PRKACB: variants seen among roughly 807,000 people sequenced by gnomAD.
The protein encoded by PRKACB is cAMP-dependent protein kinase catalytic subunit beta.
In PRKACB, 16 loss-of-function variants were observed where a neutral mutation model predicts 51.4. The ratio of observed to expected loss-of-function variants is 0.31; its 90% confidence interval spans 0.21 to 0.47. The LOEUF is 0.47. Among genes scored for constraint, PRKACB ranks in the 20% least tolerant of loss-of-function variants. The probability of loss-of-function intolerance (pLI) is 1.00; values close to 1 mark genes in which losing one functional copy is unlikely to be tolerated. For missense variants in PRKACB, 309 were observed against 464.5 expected (o/e 0.67, Z 3.08); for synonymous variants, 147 against 154.4 (o/e 0.95, Z 0.35).
upstream of PRKACB, among the ~76,000 whole-genome samples, chr1:84,141,109 T>A (rs1208676610): frequency 6.6e-6 from 1 of 152,108 alleles, no homozygotes; most frequent in Non-Finnish European, 1.5e-5. Flanking sequence ...AAAATTTCTA[T>A]AATTTTAAAA....
chr1:84,139,824 T>C (rs1571763994), upstream of PRKACB, among the ~76,000 whole-genome samples: 1 of 152,276 alleles, frequency 6.6e-6, no homozygotes, highest in East Asian at 1.9e-4. Context: ...TTTGGGAGGC[T>C]GAGGTGGGCG....
chr1:84,090,851 A>G (rs770056969), intron 1 of PRKACB, among the ~76,000 whole-genome samples: 10 of 152,184 alleles, frequency 6.6e-5, no homozygotes, highest in Non-Finnish European at 1.3e-4. Flanking sequence ...GGAAGGAGTT[A>G]GAAAAATTTG....
chr1:84,180,572 TAAAAG>T (rs968423426), intron 2 of PRKACB, among the ~76,000 whole-genome samples: 5 of 151,670 alleles, frequency 3.3e-5, no homozygotes, highest in East Asian at 1.9e-4. Flanking sequence ...TTATGGAAAA[TAAAAG>T]AAAAATAAAA....
intron 9 of PRKACB, among the ~76,000 whole-genome samples, chr1:84,223,908 A>T (rs1410901606): frequency 2.6e-5 from 4 of 152,122 alleles, no homozygotes; most frequent in African/African-American, 9.7e-5. Flanking sequence ...TGTTTCTTGT[A>T]TACTTACATT....
intron 1 of PRKACB, among the ~76,000 whole-genome samples, chr1:84,121,900 A>G (rs191610508): frequency 6.6e-6 from 1 of 152,190 alleles, no homozygotes; most frequent in East Asian, 1.9e-4. Flanking sequence ...TGCTATTCCA[A>G]GTTGAGCCCC....
At chr1:84,160,749 T>G (rs576938293) in intron 1 of PRKACB, among the ~76,000 whole-genome samples, 58 of 151,286 alleles carry the variant, frequency 3.8e-4, no homozygotes, top group Non-Finnish European at 7.2e-4. Context: ...CCCTTGGAAT[T>G]TGTTTGTGAT....
At chr1:84,212,373 C>T (rs947641962) in intron 8 of PRKACB, among the ~76,000 whole-genome samples, 2 of 152,146 alleles carry the variant, frequency 1.3e-5, no homozygotes, top group Admixed American at 1.3e-4. Flanking sequence ...ACAAAAGTGG[C>T]AGTCAAAAGC....
At chr1:84,109,260 A>G (rs1170775841) in intron 1 of PRKACB, among the ~76,000 whole-genome samples, 1 of 151,964 alleles carries the variant, frequency 6.6e-6, no homozygotes, top group Non-Finnish European at 1.5e-5. Flanking sequence ...TTGAGTATAT[A>G]TATCTAGGAG....
intron 1 of PRKACB, chr1:84,173,461 C>G: frequency 1.0e-6 from 1 of 962,876 alleles, no homozygotes; most frequent in Non-Finnish European, 1.6e-6. Flanking sequence ...TGAGTTTTTA[C>G]AATTCTGTTT....
At chr1:84,136,865 G>C (rs972018737) in intron 1 of PRKACB, among the ~76,000 whole-genome samples, 3 of 152,152 alleles carry the variant, frequency 2.0e-5, no homozygotes, top group Non-Finnish European at 4.4e-5. Context: ...ATCTCATCAT[G>C]AATTGTAATC....
chr1:84,146,299 C>G (rs563722472), intron 1 of PRKACB, among the ~76,000 whole-genome samples: 1 of 151,828 alleles, frequency 6.6e-6, no homozygotes, highest in Non-Finnish European at 1.5e-5. Flanking sequence ...CTACTTGACT[C>G]TCCTTTTTAT....
At chr1:84,095,632 T>G (rs1325829402) in intron 1 of PRKACB, among the ~76,000 whole-genome samples, 1 of 151,906 alleles carries the variant, frequency 6.6e-6, no homozygotes, top group East Asian at 1.9e-4. Flanking sequence ...TCCCCCTACT[T>G]TCTGTTTGCA....
intron 1 of PRKACB, chr1:84,164,550 T>C: frequency 7.0e-7 from 1 of 1,435,670 alleles, no homozygotes; most frequent in African/African-American, 1.4e-5. Flanking sequence ...AGGTATTTTA[T>C]TTGTCTGGTG....
chr1:84,159,621 C>A (rs1558045816), intron 1 of PRKACB, among the ~76,000 whole-genome samples: 1 of 151,992 alleles, frequency 6.6e-6, no homozygotes, highest in Non-Finnish European at 1.5e-5. Flanking sequence ...GGCTAGATTT[C>A]CCAGTACAAA....
chr1:84,101,133 T>C (rs1030405734), intron 1 of PRKACB, among the ~76,000 whole-genome samples: 11 of 152,186 alleles, frequency 7.2e-5, no homozygotes, highest in African/African-American at 2.7e-4. Flanking sequence ...AATTGACTTA[T>C]TGATTGTGGT....
At chr1:84,143,147 A>G (rs1381071594), upstream of PRKACB, among the ~76,000 whole-genome samples, 1 of 152,112 alleles carries the variant, frequency 6.6e-6, no homozygotes, top group African/African-American at 2.4e-5. Flanking sequence ...CTTACTTTTA[A>G]TCAAAAGAGA....
chr1:84,232,713 T>A (rs1432608379), intron 9 of PRKACB, among the ~76,000 whole-genome samples: 2 of 152,198 alleles, frequency 1.3e-5, no homozygotes, highest in Admixed American at 6.5e-5. Flanking sequence ...AAGTCTGTTT[T>A]ATCAGAGACT....
At chr1:84,134,368 C>T (rs1652577667) in intron 1 of PRKACB, among the ~76,000 whole-genome samples, 1 of 152,086 alleles carries the variant, frequency 6.6e-6, no homozygotes, top group Non-Finnish European at 1.5e-5. Context: ...CCCTTTTCTG[C>T]CTAGAATTTT....
At chr1:84,186,379 C>T (rs906933542) in intron 5 of PRKACB, among the ~76,000 whole-genome samples, 4 of 151,870 alleles carry the variant, frequency 2.6e-5, no homozygotes, top group Non-Finnish European at 4.4e-5. Flanking sequence ...CCACCACATC[C>T]GGCTAATTTT....
Sources: allele counts gnomAD v4.1 joint callset (sites outside exome capture counted in the v4.1 genomes callset), GRCh38; gene constraint gnomAD v4.1.1; transcripts MANE v1.5; gene names NCBI Gene and HGNC (gene_info 2026-07-23, HGNC 2026-07-21).